Variants in DHX33 observed in about 807,000 individuals in gnomAD.
The protein encoded by DHX33 is DEAH-box helicase 33, also known as ATP-dependent RNA helicase DHX33.
A neutral mutation model predicts 72.5 loss-of-function variants in DHX33; 42 were observed. The observed-to-expected ratio is 0.58, with a 90% confidence interval of 0.45 to 0.75. The LOEUF (loss-of-function observed/expected upper bound fraction) is 0.75. Among genes scored for constraint, DHX33 ranks in the 30% least tolerant of loss-of-function variants. The pLI, the probability that DHX33 is intolerant of heterozygous loss-of-function variation, is 0.00. For missense variants in DHX33, 842 were observed against 917.5 expected, an observed-to-expected ratio of 0.92 and a Z score of 1.06; for synonymous variants, 358 against 366.1, an observed-to-expected ratio of 0.98 and a Z score of 0.25.
rs376935519 is a variant in DHX33 at position 5,444,554 on chromosome 17, G to A, written c.1816-41C>T. On this transcript the variant is annotated intron_variant, in intron 11 of 11. Transcript: ENST00000225296. The surrounding 1 kb of genome is among the most constrained non-coding windows in gnomAD (Gnocchi z 4.9). ...GCGAGGAATGGAGCCGACCCCACAC[G>A]TAAACACTGGTCAGCACTACACAGC... The A allele has an allele frequency of 1.3e-5, 21 of 1,584,518 alleles. No homozygotes were observed. The highest frequency in any genetic ancestry group is 1.3e-4 in the South Asian group (11 of 85,796).
chr17:5,450,780 G>A, intron 9 of DHX33, 27 bp downstream of exon 9: 1 of 1,614,000 alleles, frequency 6.2e-7, no homozygotes, highest in Non-Finnish European at 8.5e-7. Flanking sequence ...TGTACAGAAA[G>A]AGGACTGAGG....
At chr17:5,466,004 G>A (rs9908460) in intron 1 of DHX33, among the ~76,000 whole-genome samples, 53,908 of 151,880 alleles carry the variant, frequency 0.35, 10,587 homozygotes, top group African/African-American at 0.53. Context: ...AAGTTCCCCC[G>A]TCCCCCATGC....
chr17:5,464,894 T>G (rs575029876), intron 1 of DHX33, among the ~76,000 whole-genome samples: 1 of 152,158 alleles, frequency 6.6e-6, no homozygotes, highest in Non-Finnish European at 1.5e-5. Flanking sequence ...CTAAGATGAG[T>G]TAGGCCTCAA....
intron 10 of DHX33, among the ~76,000 whole-genome samples, chr17:5,449,828 G>C (rs566462756): frequency 7.2e-5 from 11 of 152,280 alleles, no homozygotes; most frequent in African/African-American, 2.4e-4. Flanking sequence ...TCATTTCTTA[G>C]GATTACTTTA....
intron 8 of DHX33, among the ~76,000 whole-genome samples, chr17:5,451,916 T>C (rs1916933243): frequency 6.6e-6 from 1 of 152,184 alleles, no homozygotes; most frequent in South Asian, 2.1e-4. Flanking sequence ...CGGAACAAGC[T>C]GAATGAAAAC....
At position 5,444,293 on chromosome 17, in the gene DHX33, A is replaced by G. The variant is rs368279609; in HGVS notation, c.2036T>C (p.Met679Thr). 14 of 1,614,034 alleles carry G rather than the reference A, an allele frequency of 8.7e-6. No individual in the cohort carries two copies. The highest frequency in any genetic ancestry group is 1.3e-5 in the African/African-American group (1 of 74,898). The change falls in exon 12 of 12, where the codon ATG becomes ACG. Residue 679 changes from methionine to threonine, a missense_variant. Coordinates refer to ENST00000225296, the MANE Select transcript of DHX33 (RefSeq NM_020162.4). The surrounding 1 kb of genome is among the most constrained non-coding windows in gnomAD (Gnocchi z 4.9). ...TELLYTNKCY[M>T]RDLCVIDAQW... ...TGCATCTATGACGCAGAGGTCCCGC[A>G]TGTAGCACTTGTTGGTGTAGAGCAG...
rs765620726 is a variant in DHX33 at position 5,468,670 on chromosome 17, G to T, written c.190C>A (p.Pro64Thr). 7.4e-5 allele frequency: 119 copies of T among 1,612,506 alleles called. No individual in the cohort carries two copies. Among genetic ancestry groups the T allele is most frequent in the Non-Finnish European group, 9.9e-5 (117 of 1,179,798 alleles). The stretch of plus-strand genomic sequence containing the variant: ...CGGCGCTGCAGCTCCACAGCTTCAG[G>T]GTAGGGACTGGCCGAGGGCTGGGCC... ...PLAQPSASPY[P>T]EAVELQRRSL... The change falls in exon 1 of 12, where the codon CCT (proline) becomes ACT (threonine). Residue 64 changes from proline (P) to threonine (T), a missense_variant. Physicochemically the swap from Pro to Thr is conservative, Grantham distance 38. Transcript: ENST00000225296.
chr17:5,454,047 A>G (rs1917081210), intron 6 of DHX33, 67 bp from the exon 7 acceptor site: 10 of 1,558,662 alleles, frequency 6.4e-6, no homozygotes, highest in Admixed American at 3.5e-5. Context: ...GTGTCGATAA[A>G]AAGAAGCACA....
At chr17:5,459,700 G>A (rs1306453559) in intron 4 of DHX33, among the ~76,000 whole-genome samples, 1 of 152,120 alleles carries the variant, frequency 6.6e-6, no homozygotes, top group Non-Finnish European at 1.5e-5. Context: ...AAAGTGCTAG[G>A]ATTACAGGTG....
chr17:5,443,008 A>G lies in DHX33; in HGVS notation c.*1197T>C, dbSNP rs1916490153. Reference sequence around the variant, plus strand: ...AGCCAGATTGTCCCAAGTCCCTACGAAGAAGGAAAAAATATCATAGAAAAT... The same window carrying G: ...AGCCAGATTGTCCCAAGTCCCTACGGAGAAGGAAAAAATATCATAGAAAAT... On this transcript the variant is annotated 3_prime_UTR_variant, in exon 12 of 12. Transcript: ENST00000225296. 1 of 152,144 alleles carries G rather than the reference A, an allele frequency of 6.6e-6. No individual in the cohort carries two copies. The highest frequency in any genetic ancestry group is 2.4e-5 in the African/African-American group (1 of 41,422). The allele number at this position is 152,144 out of a possible 1,614,324, so 9.4% of individuals were successfully genotyped here.
intron 3 of DHX33, 111 bp from the exon 4 acceptor site, chr17:5,461,220 G>A: frequency 8.7e-7 from 1 of 1,149,938 alleles, no homozygotes. Flanking sequence ...CCCCATCACA[G>A]TTTACTTTCT....
intron 1 of DHX33, among the ~76,000 whole-genome samples, chr17:5,465,306 T>C (rs1272463987): frequency 6.6e-6 from 1 of 152,182 alleles, no homozygotes; most frequent in Non-Finnish European, 1.5e-5. Flanking sequence ...TCATCCTTCC[T>C]GACCCAGATA....
At chr17:5,464,849 G>A (rs1193182392) in intron 1 of DHX33, among the ~76,000 whole-genome samples, 2 of 152,184 alleles carry the variant, frequency 1.3e-5, no homozygotes, top group African/African-American at 4.8e-5. Context: ...ACTATGGGCA[G>A]AACACCTGCC....
intron 2 of DHX33, among the ~76,000 whole-genome samples, chr17:5,463,210 TCACATATA>T (rs1904720924): frequency 6.6e-6 from 1 of 152,218 alleles, no homozygotes; most frequent in Non-Finnish European, 1.5e-5. Flanking sequence ...TTCTCAATAC[TCACATATA>T]CACTGGCATA....
chr17:5,457,847 T>A (rs1187807293), intron 4 of DHX33, among the ~76,000 whole-genome samples: 1 of 152,068 alleles, frequency 6.6e-6, no homozygotes, highest in African/African-American at 2.4e-5. Flanking sequence ...CCAGCAGCCA[T>A]CATTCATGAA....
chr17:5,449,234 A>G (rs1192253090), intron 10 of DHX33, among the ~76,000 whole-genome samples: 2 of 152,260 alleles, frequency 1.3e-5, no homozygotes, highest in South Asian at 4.1e-4. Flanking sequence ...AATTTAAACT[A>G]AAGAAAAACT....
rs763367030 is a variant in DHX33, at chr17:5,468,764, C to T, written c.96G>A (p.Val32=). 5.7e-5 allele frequency: 91 copies of T among 1,610,520 alleles called. No homozygotes were observed. Among genetic ancestry groups the T allele is most frequent in the Non-Finnish European group, 7.6e-5 (90 of 1,178,822 alleles). ...RAGSFPPGRQ[V]VMLLTAGSGG... is the part of the protein sequence containing the mutation. ...CGCTGCCCGCAGTCAGCAGCATCAC[C>T]ACTTGCCTCCCGGGAGGGAAGGACC... The change falls in exon 1 of 12, where the codon GTG becomes GTA. Residue 32 remains valine (V), a synonymous_variant. Coordinates refer to ENST00000225296, the MANE Select transcript of DHX33 (RefSeq NM_020162.4).
intron 11 of DHX33, among the ~76,000 whole-genome samples, chr17:5,447,549 G>A (rs150020925): frequency 0.014 from 2,201 of 151,998 alleles, 54 homozygotes; most frequent in African/African-American, 0.051. Flanking sequence ...GCTTGAACAC[G>A]GGAGGCAGAG....
chr17:5,464,259 G>C (rs149161668), intron 1 of DHX33, among the ~76,000 whole-genome samples: 4 of 152,270 alleles, frequency 2.6e-5, no homozygotes, highest in African/African-American at 9.6e-5. Context: ...GAGCCTGAGA[G>C]GTTGAGGCTG....
Sources: allele counts gnomAD v4.1 joint callset (sites outside exome capture counted in the v4.1 genomes callset), GRCh38; gene constraint gnomAD v4.1.1; non-coding constraint Gnocchi (gnomAD v3.1); transcripts MANE v1.5; gene names NCBI Gene and HGNC (gene_info 2026-07-23, HGNC 2026-07-21).